Variants in PRKACB observed in about 807,000 individuals in gnomAD.
The protein encoded by PRKACB is cAMP-dependent protein kinase catalytic subunit beta.
Under a neutral mutation model 51.4 loss-of-function variants are expected in PRKACB, and 16 were observed. The observed-to-expected ratio is 0.31, with a 90% confidence interval of 0.21 to 0.47. PRKACB has a LOEUF of 0.47. PRKACB is among the 20% of genes least tolerant of loss of function. The probability of loss-of-function intolerance (pLI) is 1.00; values close to 1 mark genes in which losing one functional copy is unlikely to be tolerated. For synonymous variants in PRKACB, 147 were observed against 154.4 expected (o/e 0.95, Z 0.35); for missense variants, 309 against 464.5 (o/e 0.67, Z 3.08).
chr1:84,087,344 A>G (rs1278964058), intron 1 of PRKACB, among the ~76,000 whole-genome samples: 6 of 152,042 alleles, frequency 3.9e-5, no homozygotes, highest in Non-Finnish European at 8.8e-5. Context: ...AAACACTAGA[A>G]CTCATGGACT....
chr1:84,204,487 T>A, intron 8 of PRKACB: 1 of 1,596,664 alleles, frequency 6.3e-7, no homozygotes. Context: ...AGCAGAACTT[T>A]TGATATGAAC....
At chr1:84,086,191 TGAG>T in intron 1 of PRKACB, 2 of 1,598,718 alleles carry the variant, frequency 1.3e-6, no homozygotes, top group Non-Finnish European at 1.7e-6. Flanking sequence ...GCATCAAAGA[TGAG>T]GATCAGCTGG....
chr1:84,125,519 C>T (rs1651505954), intron 1 of PRKACB, among the ~76,000 whole-genome samples: 1 of 152,104 alleles, frequency 6.6e-6, no homozygotes, highest in African/African-American at 2.4e-5. Flanking sequence ...CCACAGTTTC[C>T]AGGCAGTAGA....
intron 9 of PRKACB, 139 bp from the exon 10 acceptor site, chr1:84,235,041 A>G (rs1676513170): frequency 2.4e-6 from 2 of 848,848 alleles, no homozygotes; most frequent in South Asian, 3.7e-5. Flanking sequence ...TTCTTCTAGC[A>G]CTATTATATT....
intron 8 of PRKACB, chr1:84,204,826 T>C (rs1392109474): frequency 1.0e-6 from 1 of 963,624 alleles, no homozygotes. Context: ...TAAGAAAAAC[T>C]GCTTTAGTTA....
intron 9 of PRKACB, among the ~76,000 whole-genome samples, chr1:84,215,455 T>A (rs1339611073): frequency 6.6e-6 from 1 of 152,034 alleles, no homozygotes; most frequent in Non-Finnish European, 1.5e-5. Flanking sequence ...TGCACCTGAG[T>A]TTTTGAGATT....
chr1:84,225,528 G>C (rs1371160114), intron 9 of PRKACB, among the ~76,000 whole-genome samples: 1 of 152,182 alleles, frequency 6.6e-6, no homozygotes, highest in Non-Finnish European at 1.5e-5. Flanking sequence ...ATGGGGCACT[G>C]TCAGTTGGGC....
At chr1:84,202,937 C>T (rs1484101108) in intron 8 of PRKACB, 132 bp downstream of exon 8, 7 of 799,684 alleles carry the variant, frequency 8.8e-6, no homozygotes, top group Non-Finnish European at 1.1e-5. Context: ...AGTTGCTGCT[C>T]TTACTATCAT....
At chr1:84,120,850 C>G (rs947541090) in intron 1 of PRKACB, among the ~76,000 whole-genome samples, 1 of 151,994 alleles carries the variant, frequency 6.6e-6, no homozygotes, top group African/African-American at 2.4e-5. Context: ...CCACTCCCAC[C>G]TCCACCTTCT....
At chr1:84,173,323 A>G in intron 1 of PRKACB, 12 of 1,569,044 alleles carry the variant, frequency 7.6e-6, no homozygotes, top group Non-Finnish European at 1.0e-5. Context: ...ATTCTTTTTG[A>G]TCAAGCACGC....
intron 1 of PRKACB, among the ~76,000 whole-genome samples, chr1:84,114,871 A>G (rs751914521): frequency 6.6e-5 from 10 of 152,178 alleles, no homozygotes; most frequent in South Asian, 4.1e-4. Context: ...ACAAGATTTC[A>G]TTTTTTTATG....
intron 1 of PRKACB, among the ~76,000 whole-genome samples, chr1:84,163,036 T>C (rs1656431343): frequency 6.6e-6 from 1 of 151,996 alleles, no homozygotes. Flanking sequence ...TTCTTCTTAT[T>C]CTAATTTTTA....
At chr1:84,220,178 C>G (rs2101619210) in intron 9 of PRKACB, among the ~76,000 whole-genome samples, 1 of 152,110 alleles carries the variant, frequency 6.6e-6, no homozygotes, top group East Asian at 1.9e-4. Context: ...CCTTCTTGGT[C>G]AAATTTATTC....
At chr1:84,230,680 T>C (rs1439861418) in intron 9 of PRKACB, among the ~76,000 whole-genome samples, 1 of 149,670 alleles carries the variant, frequency 6.7e-6, no homozygotes, top group Non-Finnish European at 1.5e-5. Context: ...AGGTATTTTA[T>C]TCTCTTTGAA....
chr1:84,199,523 G>A (rs1449590036), intron 7 of PRKACB, among the ~76,000 whole-genome samples: 5 of 152,102 alleles, frequency 3.3e-5, no homozygotes, highest in African/African-American at 4.8e-5. Context: ...TAGTGTATAT[G>A]TACCACATTT....
At chr1:84,162,574 T>A (rs1319005830) in intron 1 of PRKACB, among the ~76,000 whole-genome samples, 1 of 152,080 alleles carries the variant, frequency 6.6e-6, no homozygotes, top group Non-Finnish European at 1.5e-5. Context: ...CTGTTGGGCT[T>A]ACTATACTGA....
intron 5 of PRKACB, among the ~76,000 whole-genome samples, chr1:84,191,563 G>T (rs1666796008): frequency 6.6e-6 from 1 of 152,100 alleles, no homozygotes; most frequent in East Asian, 1.9e-4. Flanking sequence ...TATCCTAAGT[G>T]AATTAACACA....
chr1:84,085,142 A>G (rs1291614597), intron 1 of PRKACB, among the ~76,000 whole-genome samples: 3 of 152,234 alleles, frequency 2.0e-5, no homozygotes, highest in East Asian at 1.9e-4. Context: ...ATCATAAAAT[A>G]TTACTTTTAT....
intron 9 of PRKACB, among the ~76,000 whole-genome samples, chr1:84,214,659 A>AT (rs1351508582): frequency 6.6e-6 from 1 of 151,642 alleles, no homozygotes; most frequent in African/African-American, 2.4e-5. Flanking sequence ...CATCTGGATG[A>AT]TTTTTTTGTA....
Sources: allele counts gnomAD v4.1 joint callset (sites outside exome capture counted in the v4.1 genomes callset), GRCh38; gene constraint gnomAD v4.1.1; transcripts MANE v1.5; gene names NCBI Gene and HGNC (gene_info 2026-07-23, HGNC 2026-07-21).